The following RXFP1 variants were observed in gnomAD, a reference collection of about 807,000 sequenced individuals.
RXFP1 encodes relaxin receptor 1.
Under a neutral mutation model 89.8 loss-of-function variants are expected in RXFP1, and 73 were observed. The ratio of observed to expected loss-of-function variants is 0.81; its 90% confidence interval spans 0.67 to 0.99. The LOEUF (loss-of-function observed/expected upper bound fraction) is 0.99, where lower values mean the gene tolerates loss of function less well. Ranked by LOEUF, RXFP1 falls within the 50% of genes least tolerant of loss-of-function variation. RXFP1 has a pLI of 0.00. For synonymous variants in RXFP1, 277 were observed against 305.5 expected (o/e 0.91, Z 0.97); for missense variants, 793 against 895.5 (o/e 0.89, Z 1.46).
chr4:158,591,333 A>C (rs942066264), intron 2 of RXFP1, among the ~76,000 whole-genome samples: 1 of 151,990 alleles, frequency 6.6e-6, no homozygotes, highest in Non-Finnish European at 1.5e-5. Context: ...CTAACATATC[A>C]ACTGATGCAT....
chr4:158,648,348 T>G (rs1019445796), intron 16 of RXFP1, 151 bp from the exon 17 acceptor site: 3 of 499,074 alleles, frequency 6.0e-6, no homozygotes, highest in Non-Finnish European at 1.0e-5. Context: ...CTTTAGTAAT[T>G]CTTTGTGAAG....
rs5741905 is a variant in RXFP1, at chr4:158,527,564, A to AAAAAATATATATATAT, written c.49+5540_49+5541insAAAATATATATATATA. On this transcript the variant is annotated intron_variant, in intron 1 of 17. Coordinates refer to ENST00000307765, the MANE Select transcript of RXFP1 (RefSeq NM_021634.4). The stretch of plus-strand genomic sequence containing the variant: ...ATCTCCCCCGCTCCAAAAAAAAAAA[A>AAAAAATATATATATAT]ATATATATATATATGTATATATATA... Among the ~76,000 whole-genome samples the AAAAAATATATATATAT allele has an allele frequency of 5.0e-3, 492 of 98,316 alleles. 2 individuals carry two copies. The highest frequency in any genetic ancestry group is 7.2e-3 in the Non-Finnish European group (363 of 50,426). The allele number at this position is 98,316 out of a possible 152,430, so 64.5% of individuals were successfully genotyped here. A position where few individuals can be genotyped will look rare whatever the true frequency, so the allele number is the denominator to read the frequency against.
At chr4:158,616,275 A>G (rs969193833) in intron 8 of RXFP1, among the ~76,000 whole-genome samples, 1 of 151,898 alleles carries the variant, frequency 6.6e-6, no homozygotes, top group East Asian at 1.9e-4. Flanking sequence ...TATAAAAAGA[A>G]AAAAATAGCC....
intron 9 of RXFP1, among the ~76,000 whole-genome samples, chr4:158,622,507 G>T (rs1178485551): frequency 6.6e-6 from 1 of 152,098 alleles, no homozygotes; most frequent in Non-Finnish European, 1.5e-5. Flanking sequence ...AGAAAATGTG[G>T]TAGATATATA....
chr4:158,542,110 T>TA (rs56793848), intron 1 of RXFP1, among the ~76,000 whole-genome samples: 22 of 13,684 alleles, frequency 1.6e-3, no homozygotes, highest in African/African-American at 3.1e-3. Context: ...TATATATATA[T>TA]TTTTTTTTTA....
chr4:158,623,890 A>G (rs1184797511), intron 9 of RXFP1, among the ~76,000 whole-genome samples: 1 of 152,194 alleles, frequency 6.6e-6, no homozygotes, highest in African/African-American at 2.4e-5. Context: ...CATGAAGACA[A>G]GGGCATGTGA....
chr4:158,556,179 A>T (rs902566388), intron 1 of RXFP1, among the ~76,000 whole-genome samples: 1 of 151,918 alleles, frequency 6.6e-6, no homozygotes, highest in Non-Finnish European at 1.5e-5. Context: ...CAAACTGTAC[A>T]TTTGACAAGG....
At chr4:158,531,072 C>T (rs1486924874) in intron 1 of RXFP1, among the ~76,000 whole-genome samples, 1 of 152,130 alleles carries the variant, frequency 6.6e-6, no homozygotes, top group Non-Finnish European at 1.5e-5. Context: ...GTCTTGCTCT[C>T]CTGGCCCAGG....
At chr4:158,603,889 CAATAATAATAATAAT>C (rs10617905) in intron 4 of RXFP1, among the ~76,000 whole-genome samples, 27 of 141,110 alleles carry the variant, frequency 1.9e-4, no homozygotes, top group East Asian at 1.2e-3. Context: ...GACTCCATCT[CAATAATAATAATAAT>C]AATAATAATA....
At chr4:158,563,964 T>C (rs2149955688) in intron 1 of RXFP1, among the ~76,000 whole-genome samples, 1 of 148,546 alleles carries the variant, frequency 6.7e-6, no homozygotes, top group African/African-American at 2.4e-5. Context: ...TGTTATAATA[T>C]ATAACATATG....
At chr4:158,525,725 A>C (rs535355487) in intron 1 of RXFP1, among the ~76,000 whole-genome samples, 6 of 152,358 alleles carry the variant, frequency 3.9e-5, no homozygotes, top group African/African-American at 1.2e-4. Flanking sequence ...AGTGCTTTAC[A>C]AACATGATCT....
chr4:158,593,607 G>T, intron 3 of RXFP1, 108 bp downstream of exon 3: 1 of 588,958 alleles, frequency 1.7e-6, no homozygotes. Flanking sequence ...CTGGAAATCA[G>T]TTTTAATTAA....
intron 12 of RXFP1, among the ~76,000 whole-genome samples, chr4:158,635,882 GC>G (rs1017213549): frequency 9.2e-5 from 14 of 151,364 alleles, no homozygotes; most frequent in African/African-American, 3.4e-4. Flanking sequence ...AGAGATGGGG[GC>G]CTCATTATGT....
chr4:158,627,504 GGTGTGTGTGTGTGTGTGT>G (rs35872724), intron 10 of RXFP1, among the ~76,000 whole-genome samples: 3 of 143,450 alleles, frequency 2.1e-5, no homozygotes, highest in Admixed American at 7.0e-5. Context: ...TGAGCCTTAG[GGTGTGTGTGTGTGTGTGT>G]GTGTGTGTGT....
At chr4:158,546,793 T>A (rs527409836) in intron 1 of RXFP1, among the ~76,000 whole-genome samples, 1 of 152,090 alleles carries the variant, frequency 6.6e-6, no homozygotes, top group African/African-American at 2.4e-5. Flanking sequence ...ATCCCAGGGA[T>A]GAAGCCCACT....
rs182220133 is a variant in RXFP1 at position 158,651,683 on chromosome 4, G to A, written c.1976-74G>A. 3.9e-5 allele frequency: 47 copies of A among 1,207,872 alleles called. No individual in the cohort carries two copies. The East Asian group carries it at 1.1e-3, about 29-fold the overall frequency. The allele number at this position is 1,207,872 out of a possible 1,614,324, so 74.8% of individuals were successfully genotyped here. On this transcript the variant is annotated intron_variant, in intron 17 of 17. Transcript: ENST00000307765. ...AACTCAAAAAGGGGTTGGGATGAAA[G>A]AAACAGGGAAATTGGGTTTCTATAC...
intron 1 of RXFP1, among the ~76,000 whole-genome samples, chr4:158,531,098 G>A (rs574453181): frequency 1.7e-4 from 26 of 152,236 alleles, no homozygotes; most frequent in African/African-American, 6.0e-4. Flanking sequence ...GTGCAGTGAT[G>A]CAATCTTGGC....
At chr4:158,568,506 T>TA (rs1754303047) in intron 1 of RXFP1, among the ~76,000 whole-genome samples, 1 of 152,230 alleles carries the variant, frequency 6.6e-6, no homozygotes, top group African/African-American at 2.4e-5. Flanking sequence ...AAAGTGTTCT[T>TA]AAAAAATTAA....
intron 1 of RXFP1, among the ~76,000 whole-genome samples, chr4:158,531,734 G>A (rs1744094034): frequency 6.6e-6 from 1 of 152,114 alleles, no homozygotes; most frequent in Non-Finnish European, 1.5e-5. Flanking sequence ...ACATTTTCAT[G>A]TTTACAGACC....
Sources: gnomAD v4.1 joint callset for allele counts (sites outside exome capture counted in the v4.1 genomes callset) on GRCh38, gnomAD v4.1.1 for gene constraint, MANE v1.5 for transcripts, NCBI Gene and HGNC (gene_info 2026-07-23, HGNC 2026-07-21) for gene names.